The following ETV6 variants were observed in gnomAD, a reference collection of about 807,000 sequenced individuals.
ETV6 encodes ETS variant transcription factor 6.
A neutral mutation model predicts 51.1 loss-of-function variants in ETV6; 16 were observed. That is an observed-to-expected ratio of 0.31 (90% CI 0.21 to 0.48). ETV6 has a LOEUF of 0.48. ETV6 is among the 20% of genes least tolerant of loss of function. ETV6 has a pLI of 0.99. For synonymous variants in ETV6, 240 were observed against 224.1 expected (o/e 1.07, Z -0.64); for missense variants, 458 against 594.8 (o/e 0.77, Z 2.39).
chr12:11,713,374 T>C (rs966539868), intron 1 of ETV6, among the ~76,000 whole-genome samples: 3 of 152,232 alleles, frequency 2.0e-5, no homozygotes, highest in Non-Finnish European at 2.9e-5. Flanking sequence ...GTCTAGACTT[T>C]CCGTTAAGAT....
chr12:11,804,522 C>T (rs952012712), intron 2 of ETV6, among the ~76,000 whole-genome samples: 4 of 152,288 alleles, frequency 2.6e-5, no homozygotes, highest in African/African-American at 7.2e-5. Flanking sequence ...AGGGCATTTG[C>T]ACTTGCTGCC....
rs911596092 is a variant in ETV6 at position 11,891,662 on chromosome 12, T to C, written c.*616T>C. On this transcript the variant is annotated 3_prime_UTR_variant, in exon 8 of 8. Transcript: ENST00000396373. ...AGGAGAGCTCTCTTTTTCTCTCTCT[T>C]GCTCTGTTCTTCCCTTGGTCCCCTC... The C allele has an allele frequency of 1.5e-5, 8 of 520,496 alleles. No homozygotes were observed. Among genetic ancestry groups the C allele is most frequent in the Admixed American group, 7.3e-5 (3 of 41,264 alleles). The allele number at this position is 520,496 out of a possible 1,614,324, so 32.2% of individuals were successfully genotyped here.
chr12:11,738,724 A>G (rs1865755921), intron 1 of ETV6, among the ~76,000 whole-genome samples: 1 of 152,156 alleles, frequency 6.6e-6, no homozygotes, highest in South Asian at 2.1e-4. Context: ...TTCACTTTGT[A>G]AAGAACTTCC....
At chr12:11,781,526 AAACAGTTACTTT>A (rs1297890496) in intron 2 of ETV6, among the ~76,000 whole-genome samples, 5 of 152,364 alleles carry the variant, frequency 3.3e-5, no homozygotes, top group Admixed American at 3.3e-4. Context: ...ACCCAAAATG[AAACAGTTACTTT>A]AACAGTATTT....
At chr12:11,817,716 C>T (rs1458105688) in intron 2 of ETV6, among the ~76,000 whole-genome samples, 1 of 152,180 alleles carries the variant, frequency 6.6e-6, no homozygotes, top group Non-Finnish European at 1.5e-5. Context: ...CATGCCAGCT[C>T]AAGAGCATGA....
rs1945902880 is a variant in ETV6, at chr12:11,810,905, C to CCT, written c.164-28232_164-28231dup. On this transcript the variant is annotated intron_variant, in intron 2 of 7. Coordinates refer to ENST00000396373, the MANE Select transcript of ETV6 (RefSeq NM_001987.5). Reference sequence around the variant, plus strand: ...ATGGCCACCCACCTTCCCTTGGATACCTCTAACAATGGGAATCTCACTGTT... The same window carrying CCT: ...ATGGCCACCCACCTTCCCTTGGATACCTCTCTAACAATGGGAATCTCACTGTT... 2.0e-5 allele frequency among the ~76,000 whole-genome samples: 3 copies of CCT among 152,120 alleles called. No homozygotes were observed. The South Asian group carries it at 6.2e-4, about 32-fold the overall frequency.
intron 2 of ETV6, among the ~76,000 whole-genome samples, chr12:11,780,732 G>A (rs1945402288): frequency 6.6e-6 from 1 of 152,226 alleles, no homozygotes; most frequent in Non-Finnish European, 1.5e-5. Flanking sequence ...CTGAGTCCAG[G>A]TTATGTTCCA....
intron 2 of ETV6, 110 bp downstream of exon 2, chr12:11,752,689 AC>A: frequency 7.4e-7 from 1 of 1,355,434 alleles, no homozygotes; most frequent in Non-Finnish European, 9.9e-7. Flanking sequence ...TTTTCACAGG[AC>A]TTCGCCACGC....
chr12:11,804,537 T>A (rs2855745), intron 2 of ETV6, among the ~76,000 whole-genome samples: 2 of 151,980 alleles, frequency 1.3e-5, no homozygotes, highest in Non-Finnish European at 2.9e-5. Context: ...GCTGCCCTTC[T>A]GCCTATGAAG....
chr12:11,690,223 G>A (rs927029540), intron 1 of ETV6, among the ~76,000 whole-genome samples: 1 of 151,558 alleles, frequency 6.6e-6, no homozygotes, highest in African/African-American at 2.4e-5. Context: ...AGGATGGCAG[G>A]TGTAAATCAG....
intron 1 of ETV6, among the ~76,000 whole-genome samples, chr12:11,652,194 T>C (rs954188723): frequency 6.6e-6 from 1 of 152,228 alleles, no homozygotes; most frequent in Non-Finnish European, 1.5e-5. Context: ...AAGAATCACT[T>C]TTATTTTGGA....
At position 11,853,475 on chromosome 12, in the gene ETV6, C is replaced by T. The variant is rs1174107510; in HGVS notation, c.377C>T (p.Pro126Leu). The T allele has an allele frequency of 3.7e-6, 6 of 1,614,138 alleles. No individual in the cohort carries two copies. The highest frequency in any genetic ancestry group is 4.2e-6 in the Non-Finnish European group (5 of 1,180,020). Reference protein sequence around the residue: ...LLQHILKQRKPRILFSPFFHP... With the variant: ...LLQHILKQRKLRILFSPFFHP... ...CAGCATATTCTGAAGCAGAGGAAAC[C>T]TCGGATTCTTTTTTCACCATTCTTC... The change falls in exon 4 of 8, where the codon CCT (proline) becomes CTT (leucine). Residue 126 changes from proline to leucine, a missense_variant. Physicochemically the swap from Pro to Leu is moderately conservative, Grantham distance 98. Coordinates refer to ENST00000396373, the MANE Select transcript of ETV6 (RefSeq NM_001987.5).
At position 11,869,254 on chromosome 12, in the gene ETV6, A is replaced by T. The variant is rs1307733523; in HGVS notation, c.464-170A>T. ...CCATCTCAAACAGAAAAAAAAAAAA[A>T]ATATGCACCCTTCAAATTGTTAAGC... On this transcript the variant is annotated intron_variant, in intron 4 of 7. Coordinates refer to ENST00000396373, the MANE Select transcript of ETV6 (RefSeq NM_001987.5). This position sits in a 1 kb window ranked among gnomAD's most constrained non-coding sequence, Gnocchi z 5.0. Among the ~76,000 whole-genome samples, 1 of 151,560 alleles carries T rather than the reference A, an allele frequency of 6.6e-6. No homozygotes were observed. The highest frequency in any genetic ancestry group is 2.1e-4 in the South Asian group (1 of 4,780).
At chr12:11,708,116 A>G (rs1050571736) in intron 1 of ETV6, among the ~76,000 whole-genome samples, 1 of 152,160 alleles carries the variant, frequency 6.6e-6, no homozygotes, top group Admixed American at 6.5e-5. Flanking sequence ...CCTTCAGGGT[A>G]ACCTTTGTTT....
chr12:11,735,086 CTT>C (rs58797937), intron 1 of ETV6, among the ~76,000 whole-genome samples: 1,844 of 76,114 alleles, frequency 0.024, 19 homozygotes, highest in African/African-American at 0.056. Context: ...GCAAGGTGGC[CTT>C]TTTTTTTTTT....
chr12:11,658,295 C>T (rs763073281), intron 1 of ETV6, among the ~76,000 whole-genome samples: 1 of 152,052 alleles, frequency 6.6e-6, no homozygotes, highest in Non-Finnish European at 1.5e-5. Context: ...GAGTGCAATG[C>T]CGAGATCTCA....
intron 1 of ETV6, among the ~76,000 whole-genome samples, chr12:11,709,131 A>G (rs1483385085): frequency 6.6e-6 from 1 of 152,032 alleles, no homozygotes; most frequent in Non-Finnish European, 1.5e-5. Flanking sequence ...AAGCTATGTG[A>G]GTTACAAAGC....
intron 1 of ETV6, among the ~76,000 whole-genome samples, chr12:11,672,729 A>G (rs1236687188): frequency 1.3e-5 from 2 of 152,350 alleles, no homozygotes; most frequent in East Asian, 3.9e-4. Context: ...TGTTAACAGC[A>G]GGGCCACTGC....
At chr12:11,727,900 C>T (rs11054431) in intron 1 of ETV6, among the ~76,000 whole-genome samples, 8,967 of 152,118 alleles carry the variant, frequency 0.059, 853 homozygotes, top group African/African-American at 0.2. Flanking sequence ...GCTCACTCCA[C>T]CCTCTACCTC....
Sources: gnomAD v4.1 joint callset for allele counts (sites outside exome capture counted in the v4.1 genomes callset) on GRCh38, gnomAD v4.1.1 for gene constraint, Gnocchi (gnomAD v3.1) non-coding constraint, MANE v1.5 for transcripts, NCBI Gene and HGNC (gene_info 2026-07-23, HGNC 2026-07-21) for gene names.